The following PTPRN2 variants were observed in gnomAD, a reference collection of about 807,000 sequenced individuals.
PTPRN2 encodes receptor-type tyrosine-protein phosphatase N2.
A neutral mutation model predicts 118.8 loss-of-function variants in PTPRN2; 74 were observed. The observed-to-expected ratio is 0.62, with a 90% confidence interval of 0.52 to 0.76. The LOEUF (loss-of-function observed/expected upper bound fraction) is 0.76, where lower values mean the gene tolerates loss of function less well. PTPRN2 is among the 30% of genes least tolerant of loss of function. The pLI is 0.00. For missense variants in PTPRN2, 1,481 were observed against 1,394.4 expected (o/e 1.06, Z -0.99); for synonymous variants, 641 against 608.0 (o/e 1.05, Z -0.80).
At chr7:157,946,819 G>A (rs1027805476) in intron 11 of PTPRN2, among the ~76,000 whole-genome samples, 4 of 152,254 alleles carry the variant, frequency 2.6e-5, no homozygotes, top group Non-Finnish European at 5.9e-5. Context: ...AGCCTGAGAA[G>A]GGCGGAAGCC....
At chr7:158,441,076 T>G (rs375321972) in intron 2 of PTPRN2, among the ~76,000 whole-genome samples, 11 of 140,362 alleles carry the variant, frequency 7.8e-5, no homozygotes, top group Middle Eastern at 3.7e-3. Context: ...GTAGTGATGG[T>G]GGTGCTGGTG....
chr7:158,559,410 C>T (rs950175393), intron 1 of PTPRN2, among the ~76,000 whole-genome samples: 2 of 152,226 alleles, frequency 1.3e-5, no homozygotes, highest in African/African-American at 4.8e-5. Context: ...TTCCATCTTT[C>T]CAGGCCAATA....
rs570120833 is a variant in PTPRN2 at position 157,582,618 on chromosome 7, G to C, written c.2497-4478C>G. On this transcript the variant is annotated intron_variant, in intron 17 of 22. Transcript: ENST00000389418. ...GGGCCAGGCACGGTGGCTCACACCT[G>C]TAATCCCAGCACTTTGGGAGGCCGA... Among the ~76,000 whole-genome samples the C allele has an allele frequency of 2.6e-3, 391 of 151,898 alleles. 4 individuals are homozygous for C. Among genetic ancestry groups the C allele is most frequent in the Non-Finnish European group, 4.4e-3 (300 of 67,732 alleles).
rs1809083297 is a variant in PTPRN2, at chr7:157,849,057, G to C, written c.1788+49616C>G. ...GGGATGACGTCTGCGGAGCCCCTCG[G>C]TCCCAGCGTGGCTGGCGTCCAGGAC... is the stretch of plus-strand genomic sequence containing the variant. On this transcript the variant is annotated intron_variant, in intron 12 of 22. Transcript: ENST00000389418. Among the ~76,000 whole-genome samples the C allele has an allele frequency of 2.6e-5, 4 of 152,172 alleles. No homozygotes were observed. The South Asian group carries it at 8.3e-4, about 32-fold the overall frequency.
chr7:158,118,885 T>C (rs1217941312), intron 9 of PTPRN2, among the ~76,000 whole-genome samples: 2 of 152,272 alleles, frequency 1.3e-5, no homozygotes, highest in African/African-American at 4.8e-5. Flanking sequence ...CTATTTTTTG[T>C]AGAGATGGGG....
intron 9 of PTPRN2, among the ~76,000 whole-genome samples, chr7:158,119,367 A>T (rs1816965508): frequency 6.6e-6 from 1 of 152,196 alleles, no homozygotes; most frequent in African/African-American, 2.4e-5. Context: ...GAAGAAAAAA[A>T]CCCAGAAAAT....
chr7:157,879,104 C>T (rs1388005260), intron 12 of PTPRN2, among the ~76,000 whole-genome samples: 1 of 148,976 alleles, frequency 6.7e-6, no homozygotes, highest in Non-Finnish European at 1.5e-5. Flanking sequence ...TGATACCGTG[C>T]ACCCACACTT....
chr7:158,480,037 A>G (rs1356795643), intron 2 of PTPRN2, among the ~76,000 whole-genome samples: 1 of 152,236 alleles, frequency 6.6e-6, no homozygotes, highest in Non-Finnish European at 1.5e-5. Flanking sequence ...CTGTTTCTGC[A>G]GCACAAATTG....
chr7:158,450,959 G>A lies in PTPRN2; in HGVS notation c.163+38776C>T, dbSNP rs142803182. On this transcript the variant is annotated intron_variant, in intron 2 of 22. Transcript: ENST00000389418. ...AGCCCCCGAGGAGCTCAGAGGTTGT[G>A]TATCACAGCCAGGTGCTTCCAGGAA... 2.5e-3 allele frequency among the ~76,000 whole-genome samples: 384 copies of A among 152,290 alleles called. 11 individuals are homozygous for A. The South Asian group carries it at 0.046, about 18-fold the overall frequency.
At chr7:157,557,413 G>T (rs1294001200) in intron 21 of PTPRN2, among the ~76,000 whole-genome samples, 1 of 151,362 alleles carries the variant, frequency 6.6e-6, no homozygotes, top group Non-Finnish European at 1.5e-5. Context: ...AACACTCACA[G>T]CTCACACTGC....
At chr7:158,451,346 T>C (rs1033588303) in intron 2 of PTPRN2, among the ~76,000 whole-genome samples, 5 of 152,230 alleles carry the variant, frequency 3.3e-5, no homozygotes, top group African/African-American at 1.2e-4. Flanking sequence ...AGAGTTATTC[T>C]TGATTTTAAT....
chr7:158,548,738 G>A (rs1252108854), intron 1 of PTPRN2, among the ~76,000 whole-genome samples: 1 of 152,194 alleles, frequency 6.6e-6, no homozygotes, highest in African/African-American at 2.4e-5. Context: ...CCCCCAGCAT[G>A]ACTCTAAGCC....
intron 3 of PTPRN2, among the ~76,000 whole-genome samples, chr7:158,276,963 G>A (rs1050803477): frequency 8.5e-5 from 13 of 152,280 alleles, no homozygotes; most frequent in Admixed American, 2.0e-4. Context: ...AGCCCACAGC[G>A]GGGTGAGGAC....
chr7:157,643,032 G>A (rs1288349215), intron 14 of PTPRN2, among the ~76,000 whole-genome samples: 1 of 152,092 alleles, frequency 6.6e-6, no homozygotes, highest in Non-Finnish European at 1.5e-5. Context: ...GGTAGTCCCC[G>A]CTTATGATGG....
At chr7:158,063,992 C>T (rs1423493025) in intron 11 of PTPRN2, among the ~76,000 whole-genome samples, 2 of 152,318 alleles carry the variant, frequency 1.3e-5, no homozygotes, top group Middle Eastern at 3.4e-3. Context: ...CACTCACACA[C>T]ACAGTGAGAC....
At chr7:157,568,657 G>A (rs1422497769) in intron 21 of PTPRN2, among the ~76,000 whole-genome samples, 1 of 152,144 alleles carries the variant, frequency 6.6e-6, no homozygotes, top group East Asian at 1.9e-4. Context: ...AGGACCCAGT[G>A]CATGCTCGGC....
intron 12 of PTPRN2, chr7:157,865,591 G>A (rs1321460586): frequency 1.3e-5 from 2 of 152,518 alleles, no homozygotes; most frequent in East Asian, 1.9e-4. Context: ...GCATCTGGAG[G>A]GCAGTGGAGA....
chr7:157,968,049 T>C (rs7800521), intron 11 of PTPRN2, among the ~76,000 whole-genome samples: 28,402 of 152,196 alleles, frequency 0.19, 2,688 homozygotes, highest in Non-Finnish European at 0.2. Context: ...GGGAGCTGGA[T>C]GTTTACCCAG....
At chr7:158,170,586 T>C (rs1823449959) in intron 5 of PTPRN2, among the ~76,000 whole-genome samples, 1 of 152,202 alleles carries the variant, frequency 6.6e-6, no homozygotes, top group African/African-American at 2.4e-5. Context: ...ACAGAGCCTG[T>C]AGAAATAATA....
Sources: allele counts gnomAD v4.1 joint callset (sites outside exome capture counted in the v4.1 genomes callset), GRCh38; gene constraint gnomAD v4.1.1; transcripts MANE v1.5; gene names NCBI Gene and HGNC (gene_info 2026-07-23, HGNC 2026-07-21).